Variants in BBS9 observed in about 807,000 individuals in gnomAD.
The protein encoded by BBS9 is Bardet-Biedl syndrome 9.
Under a neutral mutation model 117.7 loss-of-function variants are expected in BBS9, and 89 were observed. The observed-to-expected ratio is 0.76, with a 90% CI of 0.64 to 0.90. The LOEUF (loss-of-function observed/expected upper bound fraction) is 0.90, where lower values mean the gene tolerates loss of function less well. Ranked by LOEUF, BBS9 falls within the 40% of genes least tolerant of loss-of-function variation. The probability of loss-of-function intolerance (pLI) is 0.00; values close to 1 mark genes in which losing one functional copy is unlikely to be tolerated. For synonymous variants in BBS9, 379 were observed against 370.9 expected, an observed-to-expected ratio of 1.02 and a Z score of -0.25; for missense variants, 982 against 1,042.2, an observed-to-expected ratio of 0.94 and a Z score of 0.80.
intron 19 of BBS9, among the ~76,000 whole-genome samples, chr7:33,419,144 G>A (rs975791): frequency 0.62 from 93,929 of 151,764 alleles, 29,493 homozygotes; most frequent in African/African-American, 0.72. Flanking sequence ...ACTGTAGTAA[G>A]GTCTTGAGTA....
In BBS9 at chr7:33,379,717, A is replaced by C. The variant is rs538088352; in HGVS notation, c.1790-3949A>C. Among the ~76,000 whole-genome samples, 5 of 152,346 alleles carry C rather than the reference A, an allele frequency of 3.3e-5. No individual in the cohort carries two copies. The South Asian group carries it at 1.0e-3, about 32-fold the overall frequency. On this transcript the variant is annotated intron_variant, in intron 17 of 22. Coordinates refer to ENST00000242067, the MANE Select transcript of BBS9 (RefSeq NM_198428.3). ...TTATGATATCTCTGCCCTTTATTTTATAATAAATTGGGGAAAGTAATGAAA... is the reference window on the plus strand; with the variant it reads ...TTATGATATCTCTGCCCTTTATTTTCTAATAAATTGGGGAAAGTAATGAAA...
At chr7:33,147,125 T>C (rs17169840) in intron 2 of BBS9, among the ~76,000 whole-genome samples, 24,014 of 152,142 alleles carry the variant, frequency 0.16, 2,073 homozygotes, top group South Asian at 0.21. Flanking sequence ...ATTATCATAT[T>C]ATAATACTAA....
chr7:33,596,293 C>T (rs1174898618), intron 21 of BBS9, among the ~76,000 whole-genome samples: 1 of 128,512 alleles, frequency 7.8e-6, no homozygotes, highest in Non-Finnish European at 1.6e-5. Flanking sequence ...CACACACACA[C>T]ACACACTTAT....
chr7:33,482,927 G>A (rs1385597186), intron 19 of BBS9, among the ~76,000 whole-genome samples: 2 of 152,156 alleles, frequency 1.3e-5, no homozygotes, highest in African/African-American at 4.8e-5. Context: ...CATTTACTAT[G>A]AATGGGAAAT....
At chr7:33,630,114 A>T (rs1865816102) in intron 21 of BBS9, among the ~76,000 whole-genome samples, 1 of 152,152 alleles carries the variant, frequency 6.6e-6, no homozygotes, top group African/African-American at 2.4e-5. Context: ...TTTTGATATG[A>T]TTAGCTGCTT....
chr7:33,555,413 C>T (rs1437233965), intron 21 of BBS9, among the ~76,000 whole-genome samples: 1 of 152,146 alleles, frequency 6.6e-6, no homozygotes, highest in Non-Finnish European at 1.5e-5. Flanking sequence ...TTGGTCTCTG[C>T]CATCATGGAG....
chr7:33,239,730 C>G (rs1039818810), intron 5 of BBS9, among the ~76,000 whole-genome samples: 3 of 152,066 alleles, frequency 2.0e-5, no homozygotes, highest in African/African-American at 7.2e-5. Context: ...TAGATATGGA[C>G]TAGGCATGGT....
chr7:33,232,882 C>T (rs1792754559), intron 5 of BBS9, among the ~76,000 whole-genome samples: 1 of 152,088 alleles, frequency 6.6e-6, no homozygotes, highest in South Asian at 2.1e-4. Context: ...ATTGAAACAA[C>T]ATGTGTTTTG....
intron 21 of BBS9, among the ~76,000 whole-genome samples, chr7:33,578,907 A>G (rs1007613003): frequency 6.6e-6 from 1 of 152,216 alleles, no homozygotes; most frequent in African/African-American, 2.4e-5. Flanking sequence ...AAGAACTAGT[A>G]TGAAACATTG....
intron 19 of BBS9, among the ~76,000 whole-genome samples, chr7:33,477,463 A>T (rs1199827857): frequency 1.3e-5 from 2 of 152,212 alleles, no homozygotes; most frequent in African/African-American, 2.4e-5. Flanking sequence ...CAAAGCATAC[A>T]TAAATTAACA....
At chr7:33,569,407 G>GTA (rs1554541461) in intron 21 of BBS9, among the ~76,000 whole-genome samples, 25 of 149,604 alleles carry the variant, frequency 1.7e-4, no homozygotes, top group East Asian at 5.9e-4. Flanking sequence ...ATACAGATGT[G>GTA]TATATATATA....
At chr7:33,447,123 T>C (rs371442419) in intron 19 of BBS9, among the ~76,000 whole-genome samples, 4 of 152,222 alleles carry the variant, frequency 2.6e-5, no homozygotes, top group East Asian at 1.9e-4. Flanking sequence ...CACATTATCA[T>C]GGAGGAAGAA....
At chr7:33,572,865 T>G (rs537345691) in intron 21 of BBS9, among the ~76,000 whole-genome samples, 3 of 152,090 alleles carry the variant, frequency 2.0e-5, no homozygotes, top group Admixed American at 1.3e-4. Context: ...TATCCATTTT[T>G]AAAATTAATA....
chr7:33,527,420 T>C (rs1849756821), intron 20 of BBS9, among the ~76,000 whole-genome samples: 1 of 152,044 alleles, frequency 6.6e-6, no homozygotes, highest in South Asian at 2.1e-4. Context: ...CGTAGGACCC[T>C]CCGAGCCAGG....
chr7:33,630,181 C>T (rs900192563), intron 21 of BBS9, among the ~76,000 whole-genome samples: 1 of 152,070 alleles, frequency 6.6e-6, no homozygotes, highest in African/African-American at 2.4e-5. Flanking sequence ...AGAAACGAGA[C>T]ATAAGCAAAG....
At chr7:33,283,519 G>T (rs1393276362) in intron 9 of BBS9, among the ~76,000 whole-genome samples, 1 of 151,516 alleles carries the variant, frequency 6.6e-6, no homozygotes, top group Non-Finnish European at 1.5e-5. Flanking sequence ...ATTTATTCTA[G>T]TTATTGCTTC....
At chr7:33,249,957 C>A (rs1436083913) in intron 5 of BBS9, among the ~76,000 whole-genome samples, 1 of 152,110 alleles carries the variant, frequency 6.6e-6, no homozygotes, top group Non-Finnish European at 1.5e-5. Flanking sequence ...CAGGGTGCAT[C>A]GTATCTGTCA....
At chr7:33,502,031 C>T (rs989616174) in intron 19 of BBS9, among the ~76,000 whole-genome samples, 2 of 152,172 alleles carry the variant, frequency 1.3e-5, no homozygotes, top group African/African-American at 4.8e-5. Flanking sequence ...CTGCCTCAGC[C>T]TCCCGAGTAC....
chr7:33,528,495 T>C (rs2129052833), intron 20 of BBS9, among the ~76,000 whole-genome samples: 1 of 152,322 alleles, frequency 6.6e-6, no homozygotes, highest in South Asian at 2.1e-4. Context: ...TGTAGGAGTT[T>C]ATAATTTGTT....
Sources: allele counts gnomAD v4.1 joint callset (sites outside exome capture counted in the v4.1 genomes callset), GRCh38; gene constraint gnomAD v4.1.1; transcripts MANE v1.5; gene names NCBI Gene and HGNC (gene_info 2026-07-23, HGNC 2026-07-21).